The following RAB31 variants were observed in gnomAD, a reference collection of about 807,000 sequenced individuals.
The protein encoded by RAB31 is ras-related protein Rab-31.
In RAB31, 21 loss-of-function variants were observed where a neutral mutation model predicts 25.6. The observed-to-expected ratio is 0.82, with a 90% CI of 0.58 to 1.18. The LOEUF is 1.18. Ranked by LOEUF, RAB31 falls within the 50% of genes most tolerant of loss-of-function variation. RAB31 has a pLI of 0.00. For missense variants in RAB31, 196 were observed against 250.1 expected, an observed-to-expected ratio of 0.78 and a Z score of 1.46; for synonymous variants, 87 against 84.0, an observed-to-expected ratio of 1.04 and a Z score of -0.20.
chr18:9,721,579 G>C (rs1042753850), intron 1 of RAB31, among the ~76,000 whole-genome samples: 15 of 150,992 alleles, frequency 9.9e-5, no homozygotes, highest in African/African-American at 3.7e-4. Flanking sequence ...TTGCGCCACT[G>C]CACTCCAACC....
At chr18:9,825,069 C>T (rs931742969) in intron 5 of RAB31, among the ~76,000 whole-genome samples, 2 of 152,208 alleles carry the variant, frequency 1.3e-5, no homozygotes, top group African/African-American at 4.8e-5. Flanking sequence ...TCTCCACCAT[C>T]TGCTGATGCT....
At chr18:9,784,635 C>T (rs1417528044) in intron 2 of RAB31, among the ~76,000 whole-genome samples, 1 of 151,570 alleles carries the variant, frequency 6.6e-6, no homozygotes, top group East Asian at 1.9e-4. Flanking sequence ...TCACAGCAAC[C>T]TCTGACTCCT....
chr18:9,785,699 A>G (rs2068428252), intron 2 of RAB31, among the ~76,000 whole-genome samples: 1 of 152,174 alleles, frequency 6.6e-6, no homozygotes, highest in Admixed American at 6.5e-5. Flanking sequence ...AAGAACCTGA[A>G]CACACAGGCC....
At chr18:9,813,454 T>A (rs1358192332) in intron 3 of RAB31, among the ~76,000 whole-genome samples, 1 of 152,222 alleles carries the variant, frequency 6.6e-6, no homozygotes, top group East Asian at 1.9e-4. Flanking sequence ...GATGGTAACA[T>A]TTAAAATAAA....
chr18:9,829,522 T>C (rs969233830), intron 5 of RAB31, among the ~76,000 whole-genome samples: 12 of 152,250 alleles, frequency 7.9e-5, no homozygotes, highest in South Asian at 2.1e-4. Flanking sequence ...TTGAACGTTC[T>C]TGCACATGTG....
chr18:9,834,516 T>C (rs2068694795), intron 5 of RAB31, among the ~76,000 whole-genome samples: 1 of 152,202 alleles, frequency 6.6e-6, no homozygotes, highest in Admixed American at 6.5e-5. Context: ...AATTCAGCTG[T>C]CAGTCCTATT....
chr18:9,804,430 A>G (rs1230772499), intron 3 of RAB31, among the ~76,000 whole-genome samples: 3 of 152,180 alleles, frequency 2.0e-5, no homozygotes, highest in Non-Finnish European at 4.4e-5. Context: ...GCCAACTCTC[A>G]GAGGACGTGG....
chr18:9,770,896 C>T (rs1267080934), intron 1 of RAB31, among the ~76,000 whole-genome samples: 7 of 144,120 alleles, frequency 4.9e-5, no homozygotes, highest in Non-Finnish European at 7.5e-5. Context: ...AGTGTGGTGA[C>T]TCAAGCCTAT....
At chr18:9,726,367 G>A (rs921868194) in intron 1 of RAB31, among the ~76,000 whole-genome samples, 2 of 152,166 alleles carry the variant, frequency 1.3e-5, no homozygotes, top group African/African-American at 4.8e-5. Context: ...TGGCACAGTG[G>A]AGGGCAGATG....
At chr18:9,749,117 C>T (rs574413850) in intron 1 of RAB31, among the ~76,000 whole-genome samples, 32 of 152,236 alleles carry the variant, frequency 2.1e-4, no homozygotes, top group African/African-American at 7.2e-4. Context: ...TTGCATATGG[C>T]TTTTTTCACT....
At chr18:9,778,409 C>A (rs1050170184) in intron 2 of RAB31, among the ~76,000 whole-genome samples, 3 of 152,190 alleles carry the variant, frequency 2.0e-5, no homozygotes, top group African/African-American at 7.2e-5. Context: ...GACCCTTGAA[C>A]AACTCGGGGA....
chr18:9,750,510 G>A (rs1344781360), intron 1 of RAB31, among the ~76,000 whole-genome samples: 1 of 152,178 alleles, frequency 6.6e-6, no homozygotes, highest in African/African-American at 2.4e-5. Flanking sequence ...GGGGAGAGGT[G>A]CCGGCAGTTG....
At chr18:9,727,187 G>A (rs939455781) in intron 1 of RAB31, among the ~76,000 whole-genome samples, 1 of 152,214 alleles carries the variant, frequency 6.6e-6, no homozygotes, top group Non-Finnish European at 1.5e-5. Context: ...GTAGCCATGT[G>A]GGCCCGTATG....
At chr18:9,753,904 G>A (rs967527347) in intron 1 of RAB31, among the ~76,000 whole-genome samples, 12 of 152,252 alleles carry the variant, frequency 7.9e-5, no homozygotes, top group African/African-American at 2.4e-4. Context: ...ATGAAGAAAA[G>A]GCATTGTTGA....
At chr18:9,752,764 G>A (rs1290243729) in intron 1 of RAB31, among the ~76,000 whole-genome samples, 1 of 152,204 alleles carries the variant, frequency 6.6e-6, no homozygotes, top group Non-Finnish European at 1.5e-5. Flanking sequence ...CATATTCGAG[G>A]ATGCACACAA....
At chr18:9,730,045 T>C (rs2068114931) in intron 1 of RAB31, among the ~76,000 whole-genome samples, 5 of 152,176 alleles carry the variant, frequency 3.3e-5, no homozygotes, top group Admixed American at 3.3e-4. Context: ...TGATCGTACA[T>C]AAAATAACTT....
At chr18:9,745,014 C>G (rs1386645393) in intron 1 of RAB31, among the ~76,000 whole-genome samples, 6 of 151,832 alleles carry the variant, frequency 4.0e-5, no homozygotes, top group Non-Finnish European at 1.5e-5. Context: ...ATCAGTGAAA[C>G]CAAAAGTTGG....
Position 9,845,591 on chromosome 18 carries a change from C to T in RAB31, c.390C>T (p.Pro130=). 5 of 1,541,210 alleles carry T rather than the reference C, an allele frequency of 3.2e-6. No homozygotes were observed. Among genetic ancestry groups the T allele is most frequent in the Non-Finnish European group, 4.4e-6 (5 of 1,145,970 alleles). ...KCDLSDIREV[P]LKDAKEYAES... Reference sequence around the variant, plus strand: ...TTGACCTCTTTTCCAGGGAGGTTCCCCTGAAGGATGCTAAGGAATACGCTG... The same window carrying T: ...TTGACCTCTTTTCCAGGGAGGTTCCTCTGAAGGATGCTAAGGAATACGCTG... Residue 130 remains proline, a synonymous_variant, in exon 6 of 7, where the codon CCC becomes CCT. Coordinates refer to ENST00000578921, the MANE Select transcript of RAB31 (RefSeq NM_006868.4).
intron 1 of RAB31, among the ~76,000 whole-genome samples, chr18:9,753,230 C>A (rs887192492): frequency 1.9e-4 from 29 of 152,104 alleles, no homozygotes; most frequent in Non-Finnish European, 5.9e-5. Flanking sequence ...ACTTAATTCC[C>A]AGTATATTGA....
Sources: allele counts gnomAD v4.1 joint callset (sites outside exome capture counted in the v4.1 genomes callset), GRCh38; gene constraint gnomAD v4.1.1; transcripts MANE v1.5; gene names NCBI Gene and HGNC (gene_info 2026-07-23, HGNC 2026-07-21).